The following C8orf34 variants were observed in gnomAD, a reference collection of about 807,000 sequenced individuals.
C8orf34 encodes chromosome 8 open reading frame 34, also known as uncharacterized protein C8orf34.
Under a neutral mutation model 68.3 loss-of-function variants are expected in C8orf34, and 65 were observed. The ratio of observed to expected loss-of-function variants is 0.95; its 90% CI spans 0.78 to 1.17. C8orf34 has a LOEUF of 1.17. Among genes scored for constraint, C8orf34 ranks in the 50% most tolerant of loss-of-function variants. The probability of loss-of-function intolerance (pLI) is 0.00; values close to 1 mark genes in which losing one functional copy is unlikely to be tolerated. For missense variants in C8orf34, 664 were observed against 655.4 expected (o/e 1.01, Z -0.14); for synonymous variants, 244 against 241.2 (o/e 1.01, Z -0.11).
chr8:68,498,978 G>A (rs1376490846), intron 5 of C8orf34, among the ~76,000 whole-genome samples: 1 of 152,154 alleles, frequency 6.6e-6, no homozygotes, highest in Non-Finnish European at 1.5e-5. Flanking sequence ...TGTTATGTGA[G>A]TGTATTGCGT....
chr8:68,368,324 A>T (rs1180281336), intron 1 of C8orf34, among the ~76,000 whole-genome samples: 1 of 152,144 alleles, frequency 6.6e-6, no homozygotes, highest in Non-Finnish European at 1.5e-5. Context: ...TGTTTGCAGA[A>T]ATGGCAGTTT....
intron 10 of C8orf34, among the ~76,000 whole-genome samples, chr8:68,752,245 C>T (rs1325487534): frequency 6.6e-6 from 1 of 152,004 alleles, no homozygotes; most frequent in Non-Finnish European, 1.5e-5. Context: ...ACAGATTGTG[C>T]TGATGTCTCA....
intron 2 of C8orf34, among the ~76,000 whole-genome samples, chr8:68,440,971 G>A (rs1418246161): frequency 2.6e-5 from 4 of 151,916 alleles, no homozygotes; most frequent in Non-Finnish European, 4.4e-5. Flanking sequence ...TACCCAGCTA[G>A]TTTTTTGTAT....
At chr8:68,443,566 C>T (rs1563443218) in intron 2 of C8orf34, among the ~76,000 whole-genome samples, 2 of 143,632 alleles carry the variant, frequency 1.4e-5, no homozygotes, top group African/African-American at 5.1e-5. Context: ...GCCGAGCTAA[C>T]TTTTTTTTTT....
At chr8:68,656,411 A>G (rs1273244171) in intron 8 of C8orf34, among the ~76,000 whole-genome samples, 1 of 152,194 alleles carries the variant, frequency 6.6e-6, no homozygotes, top group Non-Finnish European at 1.5e-5. Flanking sequence ...AATATGATCC[A>G]ATTAAATAAT....
At chr8:68,551,569 G>T (rs1230028980) in intron 7 of C8orf34, among the ~76,000 whole-genome samples, 2 of 151,880 alleles carry the variant, frequency 1.3e-5, no homozygotes, top group African/African-American at 4.8e-5. Context: ...TGTTTGTTTG[G>T]GGCTTTTTTG....
rs1179897169 is a variant in C8orf34 at position 68,505,687 on chromosome 8, C to T, written c.766-16112C>T. Among the ~76,000 whole-genome samples, 6 of 93,702 alleles carry T rather than the reference C, an allele frequency of 6.4e-5. 2 individuals are homozygous for T. Among genetic ancestry groups the T allele is most frequent in the Non-Finnish European group, 1.1e-4 (6 of 53,352 alleles). 61.5% of individuals were successfully genotyped at this position (93,702 alleles called of 152,430 possible). On this transcript the variant is annotated intron_variant, in intron 5 of 13. Coordinates refer to ENST00000518698, the MANE Select transcript of C8orf34 (RefSeq NM_052958.4). Reference sequence around the variant, plus strand: ...CGGAGCTTGCCGTGAGCCGAGATTGCGCCACTGCAGTCCGCAGTCCGGCCT... The same window carrying T: ...CGGAGCTTGCCGTGAGCCGAGATTGTGCCACTGCAGTCCGCAGTCCGGCCT...
At chr8:68,398,252 C>T (rs769464411) in intron 1 of C8orf34, among the ~76,000 whole-genome samples, 2 of 152,042 alleles carry the variant, frequency 1.3e-5, no homozygotes, top group Non-Finnish European at 2.9e-5. Flanking sequence ...GTCTTTTAGC[C>T]AACAGAAGTC....
intron 1 of C8orf34, among the ~76,000 whole-genome samples, chr8:68,398,768 T>C (rs1296028025): frequency 6.6e-6 from 1 of 152,180 alleles, no homozygotes; most frequent in Non-Finnish European, 1.5e-5. Flanking sequence ...ACTCTTGAGA[T>C]ATTCATGCTA....
intron 7 of C8orf34, among the ~76,000 whole-genome samples, chr8:68,638,213 T>G (rs1048522230): frequency 1.3e-5 from 2 of 152,150 alleles, no homozygotes; most frequent in Non-Finnish European, 2.9e-5. Flanking sequence ...ATCTGTACCA[T>G]GATGAGTCAT....
intron 5 of C8orf34, among the ~76,000 whole-genome samples, chr8:68,509,969 T>C (rs976230884): frequency 2.6e-5 from 4 of 152,180 alleles, no homozygotes; most frequent in Non-Finnish European, 5.9e-5. Flanking sequence ...ATTTATGCCA[T>C]GGATACTAAC....
intron 7 of C8orf34, among the ~76,000 whole-genome samples, chr8:68,554,424 G>T (rs906734188): frequency 2.6e-5 from 4 of 152,052 alleles, no homozygotes; most frequent in African/African-American, 9.7e-5. Context: ...TCTAAACAGA[G>T]AATCATATTT....
At chr8:68,506,068 GTT>G (rs1421061398) in intron 5 of C8orf34, among the ~76,000 whole-genome samples, 7 of 151,832 alleles carry the variant, frequency 4.6e-5, no homozygotes, top group African/African-American at 7.3e-5. Context: ...CCCTTGGAGT[GTT>G]TTTGTTTTTT....
chr8:68,478,100 GT>G (rs1412705257), intron 4 of C8orf34, among the ~76,000 whole-genome samples: 5 of 152,182 alleles, frequency 3.3e-5, no homozygotes, highest in Non-Finnish European at 7.4e-5. Context: ...TCTGCAGCTG[GT>G]TTGAATTTCT....
chr8:68,719,402 A>C (rs1821604137), intron 9 of C8orf34, among the ~76,000 whole-genome samples: 1 of 152,056 alleles, frequency 6.6e-6, no homozygotes, highest in South Asian at 2.1e-4. Context: ...AACCAAACAA[A>C]ATGTAAATCA....
chr8:68,435,756 T>C (rs921643274), intron 1 of C8orf34, among the ~76,000 whole-genome samples: 7 of 152,222 alleles, frequency 4.6e-5, no homozygotes, highest in Non-Finnish European at 7.3e-5. Context: ...AGGGTGTTAG[T>C]CCATCACAGA....
intron 7 of C8orf34, among the ~76,000 whole-genome samples, chr8:68,556,374 C>A: frequency 6.9e-6 from 1 of 145,224 alleles, no homozygotes; most frequent in African/African-American, 2.5e-5. Flanking sequence ...GAAGAAGATA[C>A]TAAAACTACT....
intron 8 of C8orf34, among the ~76,000 whole-genome samples, chr8:68,644,604 G>C (rs1006534747): frequency 6.6e-6 from 1 of 152,188 alleles, no homozygotes; most frequent in African/African-American, 2.4e-5. Context: ...ACAAGGATAA[G>C]CAATGAATCA....
At position 68,404,058 on chromosome 8, in the gene C8orf34, G is replaced by T. The variant is rs536041895; in HGVS notation, c.328-35441G>T. ...ATCTGTTGTTTCCTGACTTTTTAAT[G>T]ATTGCCATTCTTACTGGCGTGAGAT... On this transcript the variant is annotated intron_variant, in intron 1 of 13. Coordinates refer to ENST00000518698, the MANE Select transcript of C8orf34 (RefSeq NM_052958.4). Among the ~76,000 whole-genome samples, 225 of 152,228 alleles carry T rather than the reference G, an allele frequency of 1.5e-3. 1 individual carries two copies. Among genetic ancestry groups the T allele is most frequent in the African/African-American group, 5.1e-3 (211 of 41,516 alleles).
Sources: allele counts gnomAD v4.1 joint callset (sites outside exome capture counted in the v4.1 genomes callset), GRCh38; gene constraint gnomAD v4.1.1; transcripts MANE v1.5; gene names NCBI Gene and HGNC (gene_info 2026-07-23, HGNC 2026-07-21).